The following LEF1 variants were observed in gnomAD, a reference collection of about 807,000 sequenced individuals.
The protein encoded by LEF1 is lymphoid enhancer-binding factor 1.
In LEF1, 14 loss-of-function variants were observed where a neutral mutation model predicts 51.2. The observed-to-expected ratio is 0.27, with a 90% confidence interval of 0.18 to 0.43. The LOEUF (loss-of-function observed/expected upper bound fraction) is 0.43. LEF1 is among the 20% of genes least tolerant of loss of function. The pLI is 1.00. For synonymous variants in LEF1, 185 were observed against 183.2 expected (o/e 1.01, Z -0.08); for missense variants, 386 against 512.0 (o/e 0.75, Z 2.37).
chr4:108,105,935 T>C (rs997420838), intron 3 of LEF1, among the ~76,000 whole-genome samples: 40 of 152,188 alleles, frequency 2.6e-4, no homozygotes, highest in African/African-American at 9.4e-4. Context: ...TTCAATAAAT[T>C]CTAACCACCC....
In LEF1 at chr4:108,163,735, T is replaced by C. The variant is rs567584138; in HGVS notation, c.281-34A>G. The C allele has an allele frequency of 2.5e-6, 4 of 1,603,414 alleles. No homozygotes were observed. In the South Asian group the frequency reaches 4.5e-5, roughly 18 times the overall value. On this transcript the variant is annotated intron_variant, in intron 2 of 11. Transcript: ENST00000265165. ...ATCCAAAGAACAATCAATGATGCAC[T>C]GACTTCCCTTTTATATTACTGTATT...
intron 11 of LEF1, among the ~76,000 whole-genome samples, chr4:108,057,856 A>C (rs1295431962): frequency 6.6e-6 from 1 of 151,888 alleles, no homozygotes; most frequent in African/African-American, 2.4e-5. Flanking sequence ...GTGTTTAAGC[A>C]GATGATTTTT....
At chr4:108,070,256 C>T (rs1416085060) in intron 9 of LEF1, among the ~76,000 whole-genome samples, 2 of 151,478 alleles carry the variant, frequency 1.3e-5, no homozygotes, top group African/African-American at 4.9e-5. Context: ...AAGTATGCAA[C>T]AAACATGTAT....
intron 3 of LEF1, among the ~76,000 whole-genome samples, chr4:108,089,989 T>C (rs900597004): frequency 1.3e-5 from 2 of 149,700 alleles, no homozygotes; most frequent in African/African-American, 2.4e-5. Context: ...AAATACTGTC[T>C]TTTTTTTTTG....
chr4:108,109,106 G>A (rs1166806110), intron 3 of LEF1, among the ~76,000 whole-genome samples: 3 of 152,226 alleles, frequency 2.0e-5, no homozygotes, highest in African/African-American at 7.2e-5. Context: ...TCTGCTAGAA[G>A]CTACTTATCT....
intron 11 of LEF1, 134 bp from the exon 12 acceptor site, chr4:108,048,885 T>C (rs748001172): frequency 1.7e-4 from 89 of 526,770 alleles, no homozygotes; most frequent in Non-Finnish European, 2.6e-4. Context: ...TGGGGATGGC[T>C]AAAATGAATT....
At chr4:108,062,184 T>A (rs1737741124) in intron 11 of LEF1, among the ~76,000 whole-genome samples, 2 of 152,360 alleles carry the variant, frequency 1.3e-5, no homozygotes, top group South Asian at 4.1e-4. Flanking sequence ...AATTCAGATC[T>A]ATTTGGTACC....
intron 8 of LEF1, among the ~76,000 whole-genome samples, chr4:108,074,374 G>A (rs983882827): frequency 1.3e-5 from 2 of 152,142 alleles, no homozygotes; most frequent in African/African-American, 4.8e-5. Context: ...ACAAATTTGT[G>A]ATAAATGGAT....
intron 11 of LEF1, among the ~76,000 whole-genome samples, chr4:108,061,077 G>A (rs1025286591): frequency 4.6e-5 from 7 of 152,088 alleles, no homozygotes; most frequent in Admixed American, 6.6e-5. Flanking sequence ...CTCCAAACTC[G>A]GATGGTGTGC....
intron 3 of LEF1, among the ~76,000 whole-genome samples, chr4:108,096,624 A>C (rs545772470): frequency 6.6e-6 from 1 of 152,296 alleles, no homozygotes; most frequent in East Asian, 1.9e-4. Context: ...CTGGAGAGCA[A>C]AGGAAATAGT....
At chr4:108,138,619 G>A (rs1442883117) in intron 3 of LEF1, among the ~76,000 whole-genome samples, 1 of 152,244 alleles carries the variant, frequency 6.6e-6, no homozygotes, top group Non-Finnish European at 1.5e-5. Context: ...AGTAAATGCT[G>A]TATCTGAAGA....
chr4:108,155,132 T>C (rs1358992179), intron 3 of LEF1, among the ~76,000 whole-genome samples: 5 of 151,754 alleles, frequency 3.3e-5, no homozygotes, highest in African/African-American at 9.7e-5. Flanking sequence ...CCAGCTCCTA[T>C]GGGATTAAGG....
At chr4:108,087,073 C>A (rs1739700453) in intron 4 of LEF1, among the ~76,000 whole-genome samples, 1 of 151,804 alleles carries the variant, frequency 6.6e-6, no homozygotes, top group Non-Finnish European at 1.5e-5. Flanking sequence ...GCAGCTCTGG[C>A]CTCAGTACCA....
intron 3 of LEF1, among the ~76,000 whole-genome samples, chr4:108,129,974 T>C (rs1742769308): frequency 6.6e-6 from 1 of 152,210 alleles, no homozygotes; most frequent in Non-Finnish European, 1.5e-5. Flanking sequence ...TCTTAAGCTG[T>C]GTTATGAGTA....
intron 4 of LEF1, among the ~76,000 whole-genome samples, chr4:108,086,147 C>T (rs1319185950): frequency 6.6e-6 from 1 of 152,188 alleles, no homozygotes; most frequent in East Asian, 1.9e-4. Flanking sequence ...GGTCACTGTC[C>T]TTTAAAAATC....
intron 3 of LEF1, among the ~76,000 whole-genome samples, chr4:108,134,421 A>G (rs1322244478): frequency 6.6e-6 from 1 of 152,172 alleles, no homozygotes; most frequent in African/African-American, 2.4e-5. Flanking sequence ...ATAGGGCTCT[A>G]CTGCTCATCC....
At chr4:108,062,657 A>AG (rs1737775106) in intron 11 of LEF1, among the ~76,000 whole-genome samples, 1 of 152,148 alleles carries the variant, frequency 6.6e-6, no homozygotes, top group Non-Finnish European at 1.5e-5. Context: ...AGCAACGTGA[A>AG]GGATGAACTG....
intron 11 of LEF1, among the ~76,000 whole-genome samples, chr4:108,057,260 G>C (rs1234882924): frequency 6.6e-6 from 1 of 152,062 alleles, no homozygotes; most frequent in Non-Finnish European, 1.5e-5. Flanking sequence ...ACTTGGACAA[G>C]ACTTAAGAGT....
At position 108,078,210 on chromosome 4, in the gene LEF1, G is replaced by A. The variant is rs4956157; in HGVS notation, c.1008+10C>T. On this transcript the variant is annotated intron_variant, in intron 8 of 11. Transcript: ENST00000265165. The stretch of plus-strand genomic sequence containing the variant: ...TACCATGAACATTTACACATGACTC[G>A]GCTACTTACCCTTCTGCCAAGAATC... The A allele has an allele frequency of 0.82, 1,323,401 of 1,612,562 alleles. 551,551 individuals are homozygous for A. The highest frequency in any genetic ancestry group is 0.95 in the East Asian group (42,683 of 44,878).
Sources: allele counts gnomAD v4.1 joint callset (sites outside exome capture counted in the v4.1 genomes callset), GRCh38; gene constraint gnomAD v4.1.1; transcripts MANE v1.5; gene names NCBI Gene and HGNC (gene_info 2026-07-23, HGNC 2026-07-21).